HLF: variants seen among roughly 807,000 people sequenced by gnomAD.
HLF encodes hepatic leukemia factor.
HLF carries 3 observed loss-of-function variants against 22.6 expected under a neutral mutation model. The ratio of observed to expected loss-of-function variants is 0.13; its 90% CI spans 0.06 to 0.34. The LOEUF (loss-of-function observed/expected upper bound fraction) is 0.34, where lower values mean the gene tolerates loss of function less well. Ranked by LOEUF, HLF falls within the 10% of genes least tolerant of loss-of-function variation. The pLI is 1.00. For synonymous variants in HLF, 151 were observed against 151.8 expected, an observed-to-expected ratio of 0.99 and a Z score of 0.04; for missense variants, 299 against 389.2, an observed-to-expected ratio of 0.77 and a Z score of 1.95.
intron 2 of HLF, among the ~76,000 whole-genome samples, chr17:55,288,473 A>C (rs2081027193): frequency 6.6e-6 from 1 of 152,048 alleles, no homozygotes; most frequent in Non-Finnish European, 1.5e-5. Context: ...TGATTGGTAA[A>C]CATTCAAGGC....
At chr17:55,292,819 A>G (rs764812799) in intron 2 of HLF, among the ~76,000 whole-genome samples, 4 of 152,244 alleles carry the variant, frequency 2.6e-5, no homozygotes, top group Non-Finnish European at 5.9e-5. Flanking sequence ...ATAAAAAAGA[A>G]TGAAATTCTA....
In HLF at chr17:55,322,838, C is replaced by T. The variant is rs1232731105; in HGVS notation, c.*1959C>T. 8.8e-6 allele frequency: 2 copies of T among 228,482 alleles called. No individual in the cohort carries two copies. The highest frequency in any genetic ancestry group is 4.4e-5 in the African/African-American group (2 of 44,990). The allele number at this position is 228,482 out of a possible 1,614,324, so 14.2% of individuals were successfully genotyped here. On this transcript the variant is annotated 3_prime_UTR_variant, in exon 4 of 4. Transcript: ENST00000226067. Reference sequence around the variant, plus strand: ...CCCGCACGTTTTATGAGGTTGATATCGGTGCTATGTGTTTGGTTTATAATT... The same window carrying T: ...CCCGCACGTTTTATGAGGTTGATATTGGTGCTATGTGTTTGGTTTATAATT...
chr17:55,302,306 G>A (rs1428132297), intron 2 of HLF, among the ~76,000 whole-genome samples: 1 of 152,232 alleles, frequency 6.6e-6, no homozygotes, highest in Non-Finnish European at 1.5e-5. Flanking sequence ...CACTGGCTAG[G>A]AGCCAAGGCA....
intron 1 of HLF, 147 bp downstream of exon 1, chr17:55,265,746 C>A: frequency 2.6e-6 from 3 of 1,169,936 alleles, no homozygotes; most frequent in Non-Finnish European, 2.3e-6. Flanking sequence ...AATTGAGGAG[C>A]TCACCCAGCA....
chr17:55,322,771 G>A lies in HLF; in HGVS notation c.*1892G>A, dbSNP rs988436363. Reference sequence around the variant, plus strand: ...AAATTCTGAGTTCCTGGAATGGCACGTTGCTGCCAGTGCCCCAGACAGTTC... The same window carrying A: ...AAATTCTGAGTTCCTGGAATGGCACATTGCTGCCAGTGCCCCAGACAGTTC... On this transcript the variant is annotated 3_prime_UTR_variant, in exon 4 of 4. Coordinates refer to ENST00000226067, the MANE Select transcript of HLF (RefSeq NM_002126.5). 4.4e-5 allele frequency: 10 copies of A among 225,442 alleles called. No homozygotes were observed. The highest frequency in any genetic ancestry group is 1.3e-4 in the East Asian group (2 of 15,550). The allele number at this position is 225,442 out of a possible 1,614,324, so 14.0% of individuals were successfully genotyped here. A position where few individuals can be genotyped will look rare whatever the true frequency, so the allele number is the denominator to read the frequency against.
chr17:55,269,343 G>A (rs532650087), intron 2 of HLF, among the ~76,000 whole-genome samples: 80 of 152,264 alleles, frequency 5.3e-4, no homozygotes, highest in Middle Eastern at 3.4e-3. Context: ...GGAGGCTGTG[G>A]GAGCTTGGGA....
intron 1 of HLF, 166 bp from the exon 2 acceptor site, chr17:55,267,585 T>G (rs1238216982): frequency 1.6e-5 from 9 of 558,614 alleles, no homozygotes; most frequent in Non-Finnish European, 2.8e-5. Context: ...GAGATCCACG[T>G]CCTGCCTGAA....
chr17:55,274,250 T>A (rs1249930472), intron 2 of HLF, among the ~76,000 whole-genome samples: 1 of 152,148 alleles, frequency 6.6e-6, no homozygotes, highest in Non-Finnish European at 1.5e-5. Context: ...CCAGGAATCA[T>A]TTTTTATGTC....
chr17:55,306,477 T>C (rs971713497), intron 2 of HLF, among the ~76,000 whole-genome samples: 21 of 152,010 alleles, frequency 1.4e-4, no homozygotes, highest in African/African-American at 5.1e-4. Context: ...AGTATATTTG[T>C]TCTGTAATCA....
chr17:55,277,628 G>T (rs537820176), intron 2 of HLF, among the ~76,000 whole-genome samples: 5 of 151,938 alleles, frequency 3.3e-5, no homozygotes, highest in Non-Finnish European at 5.9e-5. Flanking sequence ...ATCGGATTGG[G>T]GGGGGTTGGA....
Position 55,267,985 on chromosome 17 carries a change from C to T in HLF, c.350C>T (p.Ser117Phe). 1 of 1,614,020 alleles carries T rather than the reference C, an allele frequency of 6.2e-7. No homozygotes were observed. Among genetic ancestry groups the T allele is most frequent in the Non-Finnish European group, 8.5e-7 (1 of 1,179,926 alleles). The change falls in exon 2 of 4, where the codon TCC becomes TTC. Residue 117 changes from serine (S) to phenylalanine (F), a missense_variant. Ser to Phe is a radical substitution (Grantham distance 155). This residue lies in a region of HLF where 224 missense variants were observed against 298.1 expected (regional missense o/e 0.75). Coordinates refer to ENST00000226067, the MANE Select transcript of HLF (RefSeq NM_002126.5). ...SPHPPGLQPA[S>F]SAAPSVMDLS... ...CACCCTCCTGGGCTGCAGCCAGCTT[C>T]CTCGGCTGCCCCCTCGGTCATGGAC...
At position 55,296,838 on chromosome 17, in the gene HLF, T is replaced by A. The variant is rs529694534; in HGVS notation, c.452-18389T>A. 6.1e-3 allele frequency among the ~76,000 whole-genome samples: 886 copies of A among 144,314 alleles called. 4 individuals are homozygous for A. Among genetic ancestry groups the A allele is most frequent in the East Asian group, 0.013 (65 of 4,958 alleles). 94.7% of individuals were successfully genotyped at this position (144,314 alleles called of 152,430 possible). On this transcript the variant is annotated intron_variant, in intron 2 of 3. Transcript: ENST00000226067. ...CTGTTTCCTCTTCCATTCAAAAAAA[T>A]TTTTTTTTTTTTTTACAGAGCCCAG...
intron 3 of HLF, among the ~76,000 whole-genome samples, chr17:55,318,219 C>G (rs1232199926): frequency 6.6e-6 from 1 of 152,128 alleles, no homozygotes; most frequent in Non-Finnish European, 1.5e-5. Context: ...CTCAAAATCC[C>G]GCTTCCCCCC....
intron 1 of HLF, 189 bp downstream of exon 1, chr17:55,265,788 G>A (rs1248606580): frequency 5.2e-6 from 7 of 1,335,438 alleles, no homozygotes; most frequent in Non-Finnish European, 6.7e-6. Context: ...CTCCATGAAA[G>A]GGGAGGGACC....
chr17:55,268,280 G>C (rs1445717349), intron 2 of HLF, among the ~76,000 whole-genome samples, 194 bp downstream of exon 2: 1 of 152,158 alleles, frequency 6.6e-6, no homozygotes, highest in African/African-American at 2.4e-5. Context: ...GGAGAGTCCG[G>C]TAAATACAGA....
chr17:55,320,996 C>A lies in HLF; in HGVS notation c.*117C>A. ...CACTTTACCAGAGGCATAAACACAA[C>A]TGACTCCCATTTTGGTGTGCATCTG... On this transcript the variant is annotated 3_prime_UTR_variant, in exon 4 of 4. Transcript: ENST00000226067. The surrounding 1 kb of genome is among the most constrained non-coding windows in gnomAD (Gnocchi z 4.2). 1 of 753,742 alleles carries A rather than the reference C, an allele frequency of 1.3e-6. No individual in the cohort carries two copies. The highest frequency in any genetic ancestry group is 2.2e-6 in the Non-Finnish European group (1 of 452,156). 46.7% of individuals were successfully genotyped at this position (753,742 alleles called of 1,614,324 possible).
At chr17:55,293,554 T>C (rs1246190275) in intron 2 of HLF, among the ~76,000 whole-genome samples, 1 of 152,210 alleles carries the variant, frequency 6.6e-6, no homozygotes, top group African/African-American at 2.4e-5. Flanking sequence ...GGACTGAGGT[T>C]TATATGTGTT....
chr17:55,313,351 G>GGGGT (rs1555609527), intron 2 of HLF, among the ~76,000 whole-genome samples: 2 of 132,796 alleles, frequency 1.5e-5, no homozygotes, highest in African/African-American at 5.4e-5. Flanking sequence ...TAGAGGAGGA[G>GGGGT]GTGTGTGCGT....
intron 2 of HLF, chr17:55,272,009 G>A (rs185928097): frequency 2.0e-5 from 3 of 152,290 alleles, no homozygotes; most frequent in East Asian, 1.9e-4. Context: ...TGGCTATTGT[G>A]GGATCACCAA....
Sources: allele counts gnomAD v4.1 joint callset (sites outside exome capture counted in the v4.1 genomes callset), GRCh38; gene constraint gnomAD v4.1.1; regional missense constraint gnomAD v4.1.1; non-coding constraint Gnocchi (gnomAD v3.1); transcripts MANE v1.5; gene names NCBI Gene and HGNC (gene_info 2026-07-23, HGNC 2026-07-21).